Variants in CNTN4 observed in about 807,000 individuals in gnomAD.
The protein encoded by CNTN4 is contactin-4.
In CNTN4, 77 loss-of-function variants were observed where a neutral mutation model predicts 122.5. The observed-to-expected ratio is 0.63, with a 90% CI of 0.52 to 0.76. The LOEUF (loss-of-function observed/expected upper bound fraction) is 0.76, where lower values mean the gene tolerates loss of function less well. Among genes scored for constraint, CNTN4 ranks in the 30% least tolerant of loss-of-function variants. The pLI, the probability that CNTN4 is intolerant of heterozygous loss-of-function variation, is 0.00. For synonymous variants in CNTN4, 512 were observed against 447.0 expected, an observed-to-expected ratio of 1.15 and a Z score of -1.83; for missense variants, 1,256 against 1,259.1, an observed-to-expected ratio of 1.00 and a Z score of 0.04.
At chr3:2,739,905 T>C (rs1454394261) in intron 5 of CNTN4, among the ~76,000 whole-genome samples, 1 of 152,218 alleles carries the variant, frequency 6.6e-6, no homozygotes, top group Non-Finnish European at 1.5e-5. Context: ...CTGTCCTTGA[T>C]GGAAAGAACG....
At chr3:2,818,419 C>T (rs1041964450) in intron 6 of CNTN4, among the ~76,000 whole-genome samples, 1 of 152,114 alleles carries the variant, frequency 6.6e-6, no homozygotes, top group Non-Finnish European at 1.5e-5. Flanking sequence ...ACCAAAATGG[C>T]CAGCATGGAG....
chr3:2,436,824 A>G (rs2048274751), intron 3 of CNTN4, among the ~76,000 whole-genome samples: 1 of 149,666 alleles, frequency 6.7e-6, no homozygotes, highest in African/African-American at 2.4e-5. Context: ...ATATATGTAT[A>G]TATTTTCTTC....
At chr3:2,146,875 T>C (rs1054005677) in intron 2 of CNTN4, among the ~76,000 whole-genome samples, 1 of 152,056 alleles carries the variant, frequency 6.6e-6, no homozygotes, top group East Asian at 1.9e-4. Flanking sequence ...CCATAGTTTT[T>C]TGTTGTTGTT....
In CNTN4 at chr3:3,056,287, C is replaced by A. The variant is rs1701794941; in HGVS notation, c.*67C>A. The A allele has an allele frequency of 8.9e-7, 1 of 1,117,584 alleles. No homozygotes were observed. The highest frequency in any genetic ancestry group is 1.4e-6 in the Non-Finnish European group (1 of 730,060). The allele number at this position is 1,117,584 out of a possible 1,614,324, so 69.2% of individuals were successfully genotyped here. On this transcript the variant is annotated 3_prime_UTR_variant, in exon 25 of 25. Transcript: ENST00000418658. The stretch of plus-strand genomic sequence containing the variant: ...CATTTAGCTAGTTGTTTTGAAGACA[C>A]CCAGTACTAAGTAATATTGTTGTTC...
intron 2 of CNTN4, among the ~76,000 whole-genome samples, chr3:2,192,869 G>A (rs1315477508): frequency 2.0e-5 from 3 of 152,134 alleles, no homozygotes; most frequent in Non-Finnish European, 2.9e-5. Flanking sequence ...TGTCATGGGC[G>A]ACATGGTGTG....
chr3:2,744,274 C>G (rs1160881500), intron 5 of CNTN4, among the ~76,000 whole-genome samples: 1 of 152,212 alleles, frequency 6.6e-6, no homozygotes, highest in Non-Finnish European at 1.5e-5. Context: ...AATCTTGAAA[C>G]TAACTCACGT....
chr3:2,123,901 G>A (rs1383389268), intron 2 of CNTN4, among the ~76,000 whole-genome samples: 2 of 152,168 alleles, frequency 1.3e-5, no homozygotes, highest in East Asian at 3.8e-4. Flanking sequence ...TGAAGATGGT[G>A]CATGGCTAAA....
intron 2 of CNTN4, among the ~76,000 whole-genome samples, chr3:2,322,461 A>G (rs2043305251): frequency 6.6e-6 from 1 of 152,208 alleles, no homozygotes; most frequent in Non-Finnish European, 1.5e-5. Flanking sequence ...TAACTATATC[A>G]AATATCACAT....
intron 13 of CNTN4, among the ~76,000 whole-genome samples, chr3:2,982,397 T>A (rs1251262367): frequency 6.6e-6 from 1 of 152,202 alleles, no homozygotes; most frequent in East Asian, 1.9e-4. Context: ...CTTATATTAT[T>A]GGCTTATATA....
At chr3:2,597,583 C>A (rs2080830275) in intron 4 of CNTN4, among the ~76,000 whole-genome samples, 2 of 152,096 alleles carry the variant, frequency 1.3e-5, no homozygotes, top group Non-Finnish European at 2.9e-5. Flanking sequence ...AGGAAAGGTG[C>A]AGAATTGAGA....
At chr3:2,298,196 T>C (rs1451615401) in intron 2 of CNTN4, among the ~76,000 whole-genome samples, 2 of 152,228 alleles carry the variant, frequency 1.3e-5, no homozygotes, top group African/African-American at 4.8e-5. Flanking sequence ...TCTCATTTTA[T>C]GTTTAAAAAT....
chr3:2,897,232 A>G (rs1284940119), intron 10 of CNTN4, among the ~76,000 whole-genome samples: 1 of 152,218 alleles, frequency 6.6e-6, no homozygotes, highest in East Asian at 1.9e-4. Flanking sequence ...TATCTATCCA[A>G]GAGACAAAGT....
At chr3:2,228,814 A>G (rs1447731762) in intron 2 of CNTN4, among the ~76,000 whole-genome samples, 1 of 152,118 alleles carries the variant, frequency 6.6e-6, no homozygotes, top group African/African-American at 2.4e-5. Context: ...CTATAACCCA[A>G]TTAATATTTA....
intron 3 of CNTN4, among the ~76,000 whole-genome samples, chr3:2,513,569 C>T (rs2076952889): frequency 6.6e-6 from 1 of 151,942 alleles, no homozygotes; most frequent in African/African-American, 2.4e-5. Context: ...AGAGGAGTAT[C>T]TTCCCAATGT....
intron 3 of CNTN4, among the ~76,000 whole-genome samples, chr3:2,395,941 G>T (rs1188225030): frequency 6.6e-6 from 1 of 152,056 alleles, no homozygotes; most frequent in Non-Finnish European, 1.5e-5. Flanking sequence ...GTGAATTCTT[G>T]TGCTTACCCA....
intron 12 of CNTN4, among the ~76,000 whole-genome samples, chr3:2,922,865 C>T (rs1577286010): frequency 6.6e-6 from 1 of 152,180 alleles, no homozygotes; most frequent in Non-Finnish European, 1.5e-5. Context: ...CCCACCTCAG[C>T]CTCCCAAAGT....
At chr3:2,208,217 A>ACTTT (rs1407990910) in intron 2 of CNTN4, among the ~76,000 whole-genome samples, 25 of 152,154 alleles carry the variant, frequency 1.6e-4, no homozygotes, top group African/African-American at 5.5e-4. Flanking sequence ...TGCCATAAAG[A>ACTTT]ACATTTTTGC....
chr3:2,501,042 T>C (rs1415311434), intron 3 of CNTN4, among the ~76,000 whole-genome samples: 1 of 152,198 alleles, frequency 6.6e-6, no homozygotes. Flanking sequence ...CCATTATTTT[T>C]AGGTTTTTGC....
intron 6 of CNTN4, among the ~76,000 whole-genome samples, chr3:2,765,567 TGCTTAATAA>T (rs1313373430): frequency 1.3e-5 from 2 of 152,346 alleles, no homozygotes; most frequent in African/African-American, 4.8e-5. Context: ...TTTTTAATTT[TGCTTAATAA>T]TTTTAAATTA....
Sources: allele counts gnomAD v4.1 joint callset (sites outside exome capture counted in the v4.1 genomes callset), GRCh38; gene constraint gnomAD v4.1.1; transcripts MANE v1.5; gene names NCBI Gene and HGNC (gene_info 2026-07-23, HGNC 2026-07-21).